FRMD5: variants seen among roughly 807,000 people sequenced by gnomAD.
The protein encoded by FRMD5 is FERM domain containing 5.
Under a neutral mutation model 69.0 loss-of-function variants are expected in FRMD5, and 20 were observed. That is an observed-to-expected ratio of 0.29 (90% CI 0.20 to 0.42). The LOEUF is 0.42. FRMD5 is among the 10% of genes least tolerant of loss of function. The pLI, the probability that FRMD5 is intolerant of heterozygous loss-of-function variation, is 1.00. For synonymous variants in FRMD5, 271 were observed against 260.1 expected, an observed-to-expected ratio of 1.04 and a Z score of -0.40; for missense variants, 595 against 708.6, an observed-to-expected ratio of 0.84 and a Z score of 1.82.
intron 2 of FRMD5, among the ~76,000 whole-genome samples, chr15:43,921,642 C>G (rs185550781): frequency 6.6e-6 from 1 of 152,220 alleles, no homozygotes; most frequent in East Asian, 1.9e-4. Flanking sequence ...CACTAGCAAA[C>G]AGACAACATG....
At chr15:44,072,047 G>A (rs1048981376) in intron 1 of FRMD5, among the ~76,000 whole-genome samples, 5 of 152,090 alleles carry the variant, frequency 3.3e-5, no homozygotes, top group Non-Finnish European at 5.9e-5. Flanking sequence ...TGTATTTTTA[G>A]CAGAGACGTG....
chr15:44,185,701 A>C (rs2078088123), intron 1 of FRMD5, among the ~76,000 whole-genome samples: 2 of 151,872 alleles, frequency 1.3e-5, no homozygotes, highest in African/African-American at 4.8e-5. Flanking sequence ...GCTGAGACGC[A>C]AGAATTGCTT....
chr15:44,065,643 ATTGATTTCATGACCC>A (rs1440363793), intron 1 of FRMD5, among the ~76,000 whole-genome samples: 1 of 152,154 alleles, frequency 6.6e-6, no homozygotes, highest in African/African-American at 2.4e-5. Context: ...TGGTCATGAT[ATTGATTTCATGACCC>A]ACCCATCCTT....
At chr15:44,189,966 C>G (rs1381722820) in intron 1 of FRMD5, among the ~76,000 whole-genome samples, 2 of 152,190 alleles carry the variant, frequency 1.3e-5, no homozygotes, top group African/African-American at 4.8e-5. Context: ...AATTTCCCAG[C>G]TGCATAAGAA....
At chr15:43,951,984 GT>G (rs1566857268) in intron 1 of FRMD5, among the ~76,000 whole-genome samples, 7 of 106,092 alleles carry the variant, frequency 6.6e-5, no homozygotes, top group African/African-American at 5.0e-4. Context: ...TGTGTGTTGT[GT>G]GTGTGTGTGT....
chr15:44,152,093 C>G (rs1050223169), intron 1 of FRMD5, among the ~76,000 whole-genome samples: 1 of 152,132 alleles, frequency 6.6e-6, no homozygotes, highest in Non-Finnish European at 1.5e-5. Context: ...GCCTGTAGTC[C>G]CAGCTACTCA....
intron 1 of FRMD5, among the ~76,000 whole-genome samples, chr15:44,030,279 C>T (rs144363182): frequency 8.8e-4 from 133 of 151,978 alleles, no homozygotes; most frequent in Non-Finnish European, 1.3e-3. Context: ...ATAAGATTTA[C>T]GTATCCAAAT....
chr15:44,021,741 C>T (rs935707580), intron 1 of FRMD5, among the ~76,000 whole-genome samples: 6 of 151,944 alleles, frequency 3.9e-5, no homozygotes, highest in Admixed American at 3.3e-4. Context: ...TATGGTCGCT[C>T]CTCAAAAATT....
chr15:44,116,046 G>A (rs1335100594), intron 1 of FRMD5, among the ~76,000 whole-genome samples: 1 of 152,056 alleles, frequency 6.6e-6, no homozygotes, highest in East Asian at 1.9e-4. Context: ...ACCCCTATTT[G>A]ATTGCCAGCC....
chr15:43,989,691 T>G lies in FRMD5; in HGVS notation c.103-65382A>C. On this transcript the variant is annotated intron_variant, in intron 1 of 13. Transcript: ENST00000417257. ...TGGGGGAGGGCATACTCTTCATAGA[T>G]GGGCACAGTGTGGGTGACCCCGTCA... 3 of 994,942 alleles carry G rather than the reference T, an allele frequency of 3.0e-6. No individual in the cohort carries two copies. The Middle Eastern group carries it at 6.5e-4, about 215-fold the overall frequency. 61.6% of individuals were successfully genotyped at this position (994,942 alleles called of 1,614,324 possible).
intron 1 of FRMD5, among the ~76,000 whole-genome samples, chr15:44,057,594 T>C (rs1892924771): frequency 6.6e-6 from 1 of 152,216 alleles, no homozygotes; most frequent in African/African-American, 2.4e-5. Flanking sequence ...TCTTCTGAAA[T>C]TGTACCACCA....
chr15:44,149,031 G>A (rs2077402954), intron 1 of FRMD5, among the ~76,000 whole-genome samples: 1 of 152,018 alleles, frequency 6.6e-6, no homozygotes, highest in Non-Finnish European at 1.5e-5. Flanking sequence ...TCCACATTTT[G>A]TTTTCTACAT....
intron 1 of FRMD5, among the ~76,000 whole-genome samples, chr15:43,948,315 G>A (rs2089978026): frequency 6.6e-6 from 1 of 152,206 alleles, no homozygotes; most frequent in South Asian, 2.1e-4. Flanking sequence ...CTGGGAAACT[G>A]TTAGGATATA....
intron 13 of FRMD5, among the ~76,000 whole-genome samples, chr15:43,880,264 A>G: frequency 6.6e-6 from 1 of 152,132 alleles, no homozygotes; most frequent in Middle Eastern, 3.2e-3. Flanking sequence ...TAGAAAAGAA[A>G]GTCTTTGGTG....
At chr15:43,890,119 T>A (rs1389897137) in intron 8 of FRMD5, among the ~76,000 whole-genome samples, 1 of 151,368 alleles carries the variant, frequency 6.6e-6, no homozygotes, top group Non-Finnish European at 1.5e-5. Flanking sequence ...TGATTCCCTC[T>A]CAAACTCCCT....
At chr15:44,012,989 C>T (rs185036660) in intron 1 of FRMD5, among the ~76,000 whole-genome samples, 117 of 152,246 alleles carry the variant, frequency 7.7e-4, no homozygotes, top group African/African-American at 2.5e-3. Context: ...TGGTCTCGAA[C>T]TCCTGACCTC....
intron 13 of FRMD5, among the ~76,000 whole-genome samples, chr15:43,875,636 C>A (rs1434486685): frequency 6.6e-6 from 1 of 151,054 alleles, no homozygotes; most frequent in African/African-American, 2.4e-5. Context: ...TGCCACCACA[C>A]CCAGCTAATT....
intron 4 of FRMD5, among the ~76,000 whole-genome samples, chr15:43,918,688 G>A (rs890819955): frequency 2.6e-5 from 4 of 152,164 alleles, no homozygotes; most frequent in African/African-American, 4.8e-5. Context: ...CTTCTACAAA[G>A]TAACATCAAG....
At chr15:43,908,610 C>T (rs597705) in intron 5 of FRMD5, among the ~76,000 whole-genome samples, 1 of 151,888 alleles carries the variant, frequency 6.6e-6, no homozygotes, top group Non-Finnish European at 1.5e-5. Flanking sequence ...TTAGTGCTGT[C>T]GTCCAAAATG....
Sources: gnomAD v4.1 joint callset for allele counts (sites outside exome capture counted in the v4.1 genomes callset) on GRCh38, gnomAD v4.1.1 for gene constraint, MANE v1.5 for transcripts, NCBI Gene and HGNC (gene_info 2026-07-23, HGNC 2026-07-21) for gene names.